Variants in GCNT2 observed in about 807,000 individuals in gnomAD.
GCNT2 encodes glucosaminyl (N-acetyl) transferase 2 (I blood group).
Under a neutral mutation model 34.2 loss-of-function variants are expected in GCNT2, and 34 were observed. The observed-to-expected ratio is 1.00, with a 90% confidence interval of 0.76 to 1.32. The LOEUF (loss-of-function observed/expected upper bound fraction) is 1.32, where lower values mean the gene tolerates loss of function less well. Ranked by LOEUF, GCNT2 falls within the 40% of genes most tolerant of loss-of-function variation. The probability of loss-of-function intolerance (pLI) is 0.00; values close to 1 mark genes in which losing one functional copy is unlikely to be tolerated. For synonymous variants in GCNT2, 212 were observed against 188.0 expected (o/e 1.13, Z -1.04); for missense variants, 584 against 489.4 (o/e 1.19, Z -1.82).
At chr6:10,552,023 T>G (rs887058212) in intron 3 of GCNT2, among the ~76,000 whole-genome samples, 1 of 152,202 alleles carries the variant, frequency 6.6e-6, no homozygotes, top group African/African-American at 2.4e-5. Context: ...CCTCCCAAAG[T>G]GCTGGGATTA....
intron 3 of GCNT2, among the ~76,000 whole-genome samples, chr6:10,546,790 T>A (rs538489142): frequency 6.6e-6 from 1 of 152,354 alleles, no homozygotes; most frequent in African/African-American, 2.4e-5. Context: ...ATCCTTATTT[T>A]AAAAATGTAA....
intron 3 of GCNT2, among the ~76,000 whole-genome samples, chr6:10,611,158 G>A (rs572481790): frequency 6.6e-6 from 1 of 151,820 alleles, no homozygotes; most frequent in Non-Finnish European, 1.5e-5. Flanking sequence ...GCCAAGGTGG[G>A]AGGATTGCTT....
At chr6:10,589,460 G>T (rs1764542070) in intron 3 of GCNT2, among the ~76,000 whole-genome samples, 1 of 151,896 alleles carries the variant, frequency 6.6e-6, no homozygotes, top group African/African-American at 2.4e-5. Flanking sequence ...ACTATGTGAG[G>T]CTTGTCAGGG....
chr6:10,521,960 T>G (rs1581347787), intron 1 of GCNT2, among the ~76,000 whole-genome samples: 1 of 151,616 alleles, frequency 6.6e-6, no homozygotes, highest in Non-Finnish European at 1.5e-5. Flanking sequence ...AGTACGGTGG[T>G]GCGATCTCAG....
intron 3 of GCNT2, among the ~76,000 whole-genome samples, chr6:10,606,135 C>T (rs776690649): frequency 6.6e-6 from 1 of 152,142 alleles, no homozygotes; most frequent in Non-Finnish European, 1.5e-5. Flanking sequence ...GCCAACTTGG[C>T]GAAACCCTGT....
At chr6:10,540,079 A>AC (rs1761968659) in intron 3 of GCNT2, among the ~76,000 whole-genome samples, 1 of 150,950 alleles carries the variant, frequency 6.6e-6, no homozygotes, top group South Asian at 2.1e-4. Context: ...CCCCATCTCA[A>AC]AAAAAAAGGA....
chr6:10,614,642 A>G (rs867104414), intron 3 of GCNT2, among the ~76,000 whole-genome samples: 39 of 147,680 alleles, frequency 2.6e-4, no homozygotes, highest in East Asian at 1.2e-3. Context: ...AAAAAAAAAA[A>G]AAAGAGAAAA....
At chr6:10,539,516 G>A (rs993578926) in intron 3 of GCNT2, among the ~76,000 whole-genome samples, 2 of 151,938 alleles carry the variant, frequency 1.3e-5, no homozygotes, top group Non-Finnish European at 2.9e-5. Flanking sequence ...TTGGGCAAAT[G>A]CCTCATTTCA....
chr6:10,550,107 G>T (rs148600356), intron 3 of GCNT2, among the ~76,000 whole-genome samples: 1 of 152,166 alleles, frequency 6.6e-6, no homozygotes, highest in African/African-American at 2.4e-5. Flanking sequence ...AGGCTGGGGT[G>T]CAGTGGCGCA....
At chr6:10,605,537 T>A (rs1205474797) in intron 3 of GCNT2, among the ~76,000 whole-genome samples, 1 of 151,976 alleles carries the variant, frequency 6.6e-6, no homozygotes, top group Non-Finnish European at 1.5e-5. Context: ...AAAATACCAA[T>A]GTCTGGGCCC....
intron 3 of GCNT2, among the ~76,000 whole-genome samples, chr6:10,536,441 T>TCCA (rs1761756339): frequency 6.6e-6 from 1 of 151,068 alleles, no homozygotes; most frequent in African/African-American, 2.4e-5. Flanking sequence ...CTGCAAGTTC[T>TCCA]CCTCCCGGGT....
At chr6:10,579,133 T>C (rs78459142) in intron 3 of GCNT2, among the ~76,000 whole-genome samples, 4 of 152,348 alleles carry the variant, frequency 2.6e-5, no homozygotes, top group Non-Finnish European at 5.9e-5. Flanking sequence ...GTGATTGTCA[T>C]GTACTCTGCC....
intron 3 of GCNT2, among the ~76,000 whole-genome samples, chr6:10,563,773 AAAAAAT>A (rs1346786913): frequency 7.5e-4 from 31 of 41,194 alleles, no homozygotes; most frequent in Middle Eastern, 0.016. Flanking sequence ...AAAAAAAAAA[AAAAAAT>A]ATATATATAT....
intron 3 of GCNT2, among the ~76,000 whole-genome samples, chr6:10,535,024 A>C (rs1761693305): frequency 6.6e-6 from 1 of 152,126 alleles, no homozygotes; most frequent in Admixed American, 6.5e-5. Context: ...TTTCTACTAA[A>C]AATGCAAAAA....
At chr6:10,555,637 G>A in intron 3 of GCNT2, 2 of 497,250 alleles carry the variant, frequency 4.0e-6, no homozygotes, top group Non-Finnish European at 5.2e-6. Flanking sequence ...GGAAGTGAGA[G>A]GAGAGGGGTT....
intron 3 of GCNT2, among the ~76,000 whole-genome samples, chr6:10,607,514 G>A (rs182390185): frequency 6.6e-6 from 1 of 152,026 alleles, no homozygotes; most frequent in Non-Finnish European, 1.5e-5. Context: ...CTCCAACGCT[G>A]AGGATTACAA....
intron 3 of GCNT2, among the ~76,000 whole-genome samples, chr6:10,593,560 A>G (rs1373427944): frequency 6.6e-6 from 1 of 151,852 alleles, no homozygotes; most frequent in Non-Finnish European, 1.5e-5. Flanking sequence ...CTGGTCTCAA[A>G]CTCCAGGGCT....
intron 3 of GCNT2, among the ~76,000 whole-genome samples, chr6:10,592,221 A>G (rs1201686752): frequency 6.6e-6 from 1 of 152,212 alleles, no homozygotes; most frequent in East Asian, 1.9e-4. Context: ...CACAAAACAG[A>G]TACTTCCATA....
chr6:10,525,017 A>G (rs1054912848), intron 1 of GCNT2, among the ~76,000 whole-genome samples: 1 of 152,026 alleles, frequency 6.6e-6, no homozygotes, highest in African/African-American at 2.4e-5. Context: ...AGGTGATGTC[A>G]TGGTAAAATG....
Sources: gnomAD v4.1 joint callset for allele counts (sites outside exome capture counted in the v4.1 genomes callset) on GRCh38, gnomAD v4.1.1 for gene constraint, MANE v1.5 for transcripts, NCBI Gene and HGNC (gene_info 2026-07-23, HGNC 2026-07-21) for gene names.